Variants in NVL observed in about 807,000 individuals in gnomAD.
NVL encodes nuclear valosin-containing protein-like.
NVL carries 84 observed loss-of-function variants against 110.2 expected under a neutral mutation model. That is an observed-to-expected ratio of 0.76 (90% CI 0.64 to 0.91). NVL has a LOEUF of 0.91. Among genes scored for constraint, NVL ranks in the 40% least tolerant of loss-of-function variants. The pLI is 0.00. For missense variants in NVL, 882 were observed against 1,035.9 expected, an observed-to-expected ratio of 0.85 and a Z score of 2.04; for synonymous variants, 354 against 361.1, an observed-to-expected ratio of 0.98 and a Z score of 0.22.
At chr1:224,274,796 A>C (rs1179085553) in intron 17 of NVL, among the ~76,000 whole-genome samples, 1 of 152,216 alleles carries the variant, frequency 6.6e-6, no homozygotes, top group African/African-American at 2.4e-5. Flanking sequence ...GAAATCTCTA[A>C]GGACTGTGAC....
intron 14 of NVL, among the ~76,000 whole-genome samples, chr1:224,286,675 A>G (rs965431405): frequency 3.9e-5 from 6 of 152,224 alleles, no homozygotes; most frequent in African/African-American, 1.4e-4. Context: ...ATTTCAACAA[A>G]TATGTTTTAG....
chr1:224,249,473 G>A (rs1303396703), intron 19 of NVL, among the ~76,000 whole-genome samples: 5 of 151,992 alleles, frequency 3.3e-5, no homozygotes, highest in Non-Finnish European at 7.4e-5. Context: ...GGTCTGGTGC[G>A]GTGGCTCACG....
At chr1:224,314,024 G>A (rs548320554) in intron 4 of NVL, among the ~76,000 whole-genome samples, 1 of 152,066 alleles carries the variant, frequency 6.6e-6, no homozygotes, top group Non-Finnish European at 1.5e-5. Context: ...AAATATATAT[G>A]ATCAATATTT....
At chr1:224,252,309 G>C (rs1433313359) in intron 18 of NVL, among the ~76,000 whole-genome samples, 1 of 152,020 alleles carries the variant, frequency 6.6e-6, no homozygotes, top group Admixed American at 6.6e-5. Context: ...GGAGCACAGA[G>C]CAAGCCCCAT....
chr1:224,250,110 AG>A, intron 19 of NVL, 101 bp downstream of exon 19: 1 of 1,186,172 alleles, frequency 8.4e-7, no homozygotes, highest in South Asian at 1.6e-5. Context: ...ACACAGCTAC[AG>A]AAAAGAAAGT....
intron 19 of NVL, among the ~76,000 whole-genome samples, chr1:224,241,993 T>C (rs904644182): frequency 2.0e-5 from 3 of 151,796 alleles, no homozygotes; most frequent in Non-Finnish European, 4.4e-5. Context: ...GACCACGCCA[T>C]TGCACTCTAG....
At chr1:224,254,108 T>C (rs1436054631) in intron 18 of NVL, among the ~76,000 whole-genome samples, 1 of 152,176 alleles carries the variant, frequency 6.6e-6, no homozygotes, top group African/African-American at 2.4e-5. Flanking sequence ...TTTTTTTGTT[T>C]TGAGATGGAG....
intron 14 of NVL, 32 bp downstream of exon 14, chr1:224,287,743 T>A: frequency 1.9e-6 from 3 of 1,574,586 alleles, no homozygotes; most frequent in Non-Finnish European, 2.6e-6. Context: ...ATCCATGACA[T>A]GCCAATAATA....
intron 14 of NVL, 79 bp from the exon 15 acceptor site, chr1:224,286,209 T>G (rs1666845950): frequency 8.9e-7 from 1 of 1,126,376 alleles, no homozygotes; most frequent in Admixed American, 2.2e-5. Context: ...AGATACATAT[T>G]TTATGGTTTT....
chr1:224,308,146 T>G lies in NVL; in HGVS notation c.460A>C (p.Ser154Arg). Residue 154 changes from serine to arginine, a missense_variant, in exon 6 of 23, where the codon AGT (serine) becomes CGT (arginine). Ser to Arg is a moderately radical substitution (Grantham distance 110). Coordinates refer to ENST00000281701, the MANE Select transcript of NVL (RefSeq NM_002533.4). ...RETTSSTPRI[S>R]SKTGSIPLKT... ...AAGGGAATGGAGCCTGTTTTGGAAC[T>G]TATCCGTGGTGTTGAAGAGGTGGTT... The G allele has an allele frequency of 6.2e-7, 1 of 1,614,140 alleles. No homozygotes were observed. The highest frequency in any genetic ancestry group is 8.5e-7 in the Non-Finnish European group (1 of 1,180,010).
intron 15 of NVL, among the ~76,000 whole-genome samples, chr1:224,282,752 T>C (rs2102601862): frequency 6.6e-6 from 1 of 152,344 alleles, no homozygotes; most frequent in East Asian, 1.9e-4. Flanking sequence ...AAAACTGGAC[T>C]CCCAATTCTT....
At position 224,271,534 on chromosome 1, in the gene NVL, A is replaced by AT. The variant is rs943920270; in HGVS notation, c.2083-3402dup. Among the ~76,000 whole-genome samples, 131 of 151,948 alleles carry AT rather than the reference A, an allele frequency of 8.6e-4. 1 individual carries two copies. Among genetic ancestry groups the AT allele is most frequent in the East Asian group, 5.8e-4 (3 of 5,146 alleles). On this transcript the variant is annotated intron_variant, in intron 17 of 22. Transcript: ENST00000281701. Reference sequence around the variant, plus strand: ...AACAAAACAGAAGCGTAAAATATAAATTTTTTTATGTTTCTGGAAAAAATT... The same window carrying AT: ...AACAAAACAGAAGCGTAAAATATAAATTTTTTTTATGTTTCTGGAAAAAATT...
intron 19 of NVL, among the ~76,000 whole-genome samples, chr1:224,238,932 C>T (rs1048347456): frequency 2.6e-5 from 4 of 152,176 alleles, no homozygotes; most frequent in Non-Finnish European, 4.4e-5. Flanking sequence ...CTCCAGAACT[C>T]TTTTATCTTC....
chr1:224,329,599 C>T (rs986907616), intron 1 of NVL, among the ~76,000 whole-genome samples: 1 of 152,148 alleles, frequency 6.6e-6, no homozygotes, highest in African/African-American at 2.4e-5. Context: ...ATGAGAAAAC[C>T]GTAGGCAAAG....
chr1:224,315,491 C>T (rs1669980270), intron 4 of NVL, among the ~76,000 whole-genome samples: 1 of 152,134 alleles, frequency 6.6e-6, no homozygotes, highest in African/African-American at 2.4e-5. Context: ...AGGAAACTTC[C>T]TCAATCTGAC....
chr1:224,292,600 C>T (rs903799826), intron 12 of NVL, among the ~76,000 whole-genome samples: 3 of 152,118 alleles, frequency 2.0e-5, no homozygotes, highest in African/African-American at 7.2e-5. Flanking sequence ...CCCTGGACCT[C>T]GTCATCACCT....
chr1:224,328,929 A>G (rs539257870), intron 1 of NVL, among the ~76,000 whole-genome samples: 1 of 152,180 alleles, frequency 6.6e-6, no homozygotes, highest in East Asian at 1.9e-4. Context: ...TACAGAGGCC[A>G]GTGCAGCAGC....
intron 18 of NVL, among the ~76,000 whole-genome samples, chr1:224,266,700 T>C (rs1653799508): frequency 6.6e-6 from 1 of 152,266 alleles, no homozygotes; most frequent in Admixed American, 6.5e-5. Context: ...AGGGACGATG[T>C]GATTCTGTTC....
chr1:224,294,502 T>C, intron 11 of NVL, 91 bp from the exon 12 acceptor site: 1 of 1,390,748 alleles, frequency 7.2e-7, no homozygotes, highest in South Asian at 1.2e-5. Flanking sequence ...AAAGATAAAG[T>C]ATTACAGATT....
Sources: allele counts gnomAD v4.1 joint callset (sites outside exome capture counted in the v4.1 genomes callset), GRCh38; gene constraint gnomAD v4.1.1; transcripts MANE v1.5; gene names NCBI Gene and HGNC (gene_info 2026-07-23, HGNC 2026-07-21).